Variants in NME7 observed in about 807,000 individuals in gnomAD.
NME7 encodes the protein nucleoside diphosphate kinase 7.
In NME7, 41 loss-of-function variants were observed where a neutral mutation model predicts 49.1. The ratio of observed to expected loss-of-function variants is 0.83; its 90% CI spans 0.65 to 1.08. The LOEUF (loss-of-function observed/expected upper bound fraction) is 1.08. Among genes scored for constraint, NME7 ranks in the 50% least tolerant of loss-of-function variants. The pLI is 0.00. For missense variants in NME7, 423 were observed against 463.4 expected, an observed-to-expected ratio of 0.91 and a Z score of 0.80; for synonymous variants, 139 against 150.6, an observed-to-expected ratio of 0.92 and a Z score of 0.56.
chr1:169,320,483 CA>C (rs1468538417), intron 3 of NME7, among the ~76,000 whole-genome samples: 2 of 152,142 alleles, frequency 1.3e-5, no homozygotes, highest in Non-Finnish European at 2.9e-5. Context: ...GTAATTGGTT[CA>C]AAAATTTTTC....
In NME7 at chr1:169,132,562, T is replaced by C. The variant is rs1658261305; in HGVS notation, c.*223A>G. The C allele has an allele frequency of 2.3e-6, 1 of 432,160 alleles. No individual in the cohort carries two copies. Among genetic ancestry groups the C allele is most frequent in the Admixed American group, 4.1e-5 (1 of 24,466 alleles). The allele number at this position is 432,160 out of a possible 1,614,324, so 26.8% of individuals were successfully genotyped here. A position where few individuals can be genotyped will look rare whatever the true frequency, so the allele number is the denominator to read the frequency against. On this transcript the variant is annotated 3_prime_UTR_variant, in exon 12 of 12. Coordinates refer to ENST00000367811, the MANE Select transcript of NME7 (RefSeq NM_013330.5). ...GAAAATAAATCTTTATTTTGAACTT[T>C]ATAAAAAGCAATGCAGTACCCCATA...
chr1:169,197,700 C>T (rs927426895), intron 10 of NME7, among the ~76,000 whole-genome samples: 2 of 152,056 alleles, frequency 1.3e-5, no homozygotes, highest in African/African-American at 4.8e-5. Flanking sequence ...ACACCATATA[C>T]AAAAATTCAC....
Position 169,324,476 on chromosome 1 carries a change from T to C in NME7, c.28A>G (p.Ile10Val). Residue 10 changes from isoleucine (I) to valine (V), a missense_variant, in exon 2 of 12, where the codon ATT becomes GTT. Ile to Val is a conservative substitution (Grantham distance 29). Coordinates refer to ENST00000367811, the MANE Select transcript of NME7 (RefSeq NM_013330.5). MNHSERFVF[I>V]AEWYDPNASL... ...GCATTTGGATCATACCACTCTGCAA[T>C]GAAAACGAATCTTTCACTATGATTC... 6.2e-7 allele frequency: 1 copy of C among 1,611,310 alleles called. No homozygotes were observed. Among genetic ancestry groups the C allele is most frequent in the Non-Finnish European group, 8.5e-7 (1 of 1,177,890 alleles).
chr1:169,246,742 C>T (rs890865839), intron 7 of NME7, among the ~76,000 whole-genome samples: 1 of 152,104 alleles, frequency 6.6e-6, no homozygotes, highest in Non-Finnish European at 1.5e-5. Context: ...CCATGCCCAG[C>T]TAATTATTAA....
At chr1:169,287,229 C>A (rs776651236) in intron 7 of NME7, 74 bp downstream of exon 7, 3 of 1,181,256 alleles carry the variant, frequency 2.5e-6, no homozygotes, top group Non-Finnish European at 3.7e-6. Flanking sequence ...ATTTTCTATA[C>A]ATAAAGTACA....
At chr1:169,236,012 G>A (rs1201779377) in intron 8 of NME7, among the ~76,000 whole-genome samples, 3 of 151,924 alleles carry the variant, frequency 2.0e-5, no homozygotes, top group African/African-American at 7.2e-5. Flanking sequence ...ATTGTTGCCA[G>A]GATTGAAGAC....
intron 10 of NME7, among the ~76,000 whole-genome samples, chr1:169,210,936 G>A (rs979413120): frequency 1.3e-5 from 2 of 151,818 alleles, no homozygotes; most frequent in Non-Finnish European, 2.9e-5. Context: ...TCCAGGTCAC[G>A]GGACTATCAT....
chr1:169,324,775 T>A (rs976471739), intron 1 of NME7, among the ~76,000 whole-genome samples: 2 of 152,178 alleles, frequency 1.3e-5, no homozygotes, highest in African/African-American at 4.8e-5. Context: ...TAAATTAACG[T>A]TTTCTGAGAA....
At chr1:169,168,979 T>C (rs1295072479) in intron 11 of NME7, 4 of 437,838 alleles carry the variant, frequency 9.1e-6, no homozygotes, top group African/African-American at 8.2e-5. Flanking sequence ...TGTATTTTCA[T>C]GACTAGCAAT....
rs1349167754 is a variant in NME7 at position 169,132,672 on chromosome 1, C to G, written c.*113G>C. ...CCAGGAGTACAGTGCTCTTGTTGAT[C>G]TTGTATTCAGTCAGGTTAAAACAAC... is the stretch of plus-strand genomic sequence containing the variant. On this transcript the variant is annotated 3_prime_UTR_variant, in exon 12 of 12. Transcript: ENST00000367811. 1.0e-5 allele frequency: 10 copies of G among 969,698 alleles called. No homozygotes were observed. The African/African-American group carries it at 1.6e-4, about 16-fold the overall frequency. 60.1% of individuals were successfully genotyped at this position (969,698 alleles called of 1,614,324 possible). A position where few individuals can be genotyped will look rare whatever the true frequency, so the allele number is the denominator to read the frequency against.
At chr1:169,232,556 T>TG (rs71121745) in intron 9 of NME7, among the ~76,000 whole-genome samples, 2,020 of 140,818 alleles carry the variant, frequency 0.014, 39 homozygotes, top group East Asian at 0.077. Context: ...GCCAGGGTGT[T>TG]GGGGGGGGGG....
At chr1:169,201,056 C>A (rs2101778356) in intron 10 of NME7, among the ~76,000 whole-genome samples, 1 of 152,058 alleles carries the variant, frequency 6.6e-6, no homozygotes, top group Middle Eastern at 3.4e-3. Context: ...CATAGAGAGA[C>A]CCTATCGCTA....
Position 169,132,805 on chromosome 1 carries a change from A to T in NME7, c.1111T>A (p.Phe371Ile). Residue 371 changes from phenylalanine (F) to isoleucine (I), a missense_variant, in exon 12 of 12, where the codon TTC becomes ATC. Phe to Ile is a conservative substitution (Grantham distance 21). Transcript: ENST00000367811. ...CACCACTAATTATCCAAGATCTTGA[A>T]GAAGTATTGAACCTGAAACGGAGAA... ...EDGLLEVQYFFKILDN is the reference protein window; with the variant it reads ...EDGLLEVQYFIKILDN 5.0e-6 allele frequency: 8 copies of T among 1,613,362 alleles called. No individual in the cohort carries two copies. Among genetic ancestry groups the T allele is most frequent in the Non-Finnish European group, 6.8e-6 (8 of 1,179,706 alleles).
chr1:169,267,988 G>A lies in NME7; in HGVS notation c.754+19315C>T, dbSNP rs1428202665. Among the ~76,000 whole-genome samples the A allele has an allele frequency of 1.1e-4, 15 of 133,596 alleles. 5 individuals are homozygous for A. The highest frequency in any genetic ancestry group is 1.8e-4 in the Non-Finnish European group (10 of 56,896). 87.6% of individuals were successfully genotyped at this position (133,596 alleles called of 152,430 possible). A position where few individuals can be genotyped will look rare whatever the true frequency, so the allele number is the denominator to read the frequency against. Reference sequence around the variant, plus strand: ...TGCATAGCAAAAGAAACTATGAACAGAGTAAACAGACAACCTACAGAATGA... The same window carrying A: ...TGCATAGCAAAAGAAACTATGAACAAAGTAAACAGACAACCTACAGAATGA... On this transcript the variant is annotated intron_variant, in intron 7 of 11. Transcript: ENST00000367811.
At chr1:169,218,321 A>G (rs761508166) in intron 10 of NME7, among the ~76,000 whole-genome samples, 8 of 152,150 alleles carry the variant, frequency 5.3e-5, no homozygotes, top group Admixed American at 1.3e-4. Context: ...GACCAGGTGC[A>G]GTGACTCATG....
rs3766075 is a variant in NME7 at position 169,204,549 on chromosome 1, T to G, written c.990+26169A>C. ...TCATTTTAAAAGTACAGATTCCCAT[T>G]TCAGATTATAGAAATTCTAAGTATT... On this transcript the variant is annotated intron_variant, in intron 10 of 11. Coordinates refer to ENST00000367811, the MANE Select transcript of NME7 (RefSeq NM_013330.5). Among the ~76,000 whole-genome samples the G allele has an allele frequency of 0.055, 8,322 of 152,076 alleles. 1,369 individuals carry two copies. In the East Asian group the frequency reaches 0.66, roughly 12 times the overall value.
At chr1:169,248,791 G>A (rs61808872) in intron 7 of NME7, among the ~76,000 whole-genome samples, 46,640 of 151,900 alleles carry the variant, frequency 0.31, 7,735 homozygotes, top group Non-Finnish European at 0.39. Flanking sequence ...TTGGTTGTAA[G>A]TATTTGGCTT....
intron 11 of NME7, among the ~76,000 whole-genome samples, chr1:169,167,057 A>G (rs569306508): frequency 6.6e-6 from 1 of 152,344 alleles, no homozygotes; most frequent in African/African-American, 2.4e-5. Flanking sequence ...AACCTACAAT[A>G]ATAAAAACAG....
intron 3 of NME7, among the ~76,000 whole-genome samples, chr1:169,315,894 T>C (rs1651605910): frequency 6.6e-6 from 1 of 152,024 alleles, no homozygotes; most frequent in African/African-American, 2.4e-5. Context: ...ATATTAAAAA[T>C]ATTAAAAATT....
Sources: allele counts gnomAD v4.1 joint callset (sites outside exome capture counted in the v4.1 genomes callset), GRCh38; gene constraint gnomAD v4.1.1; transcripts MANE v1.5; gene names NCBI Gene and HGNC (gene_info 2026-07-23, HGNC 2026-07-21).